CLVS1: variants seen among roughly 807,000 people sequenced by gnomAD.
The protein encoded by CLVS1 is clavesin-1.
A neutral mutation model predicts 33.1 loss-of-function variants in CLVS1; 10 were observed. The ratio of observed to expected loss-of-function variants is 0.30; its 90% CI spans 0.19 to 0.51. The LOEUF is 0.51. CLVS1 is among the 20% of genes least tolerant of loss of function. The pLI, the probability that CLVS1 is intolerant of heterozygous loss-of-function variation, is 0.97. For synonymous variants in CLVS1, 163 were observed against 166.1 expected (o/e 0.98, Z 0.14); for missense variants, 343 against 433.4 (o/e 0.79, Z 1.85).
intron 2 of CLVS1, among the ~76,000 whole-genome samples, chr8:61,142,066 T>C (rs1477599609): frequency 6.6e-6 from 1 of 152,240 alleles, no homozygotes; most frequent in Non-Finnish European, 1.5e-5. Context: ...AGACCCTCTT[T>C]GTAACTCTCA....
intron 3 of CLVS1, among the ~76,000 whole-genome samples, chr8:61,443,417 G>C (rs1816640925): frequency 6.6e-6 from 1 of 151,922 alleles, no homozygotes; most frequent in Admixed American, 6.6e-5. Context: ...TTTGTATGAG[G>C]TGTGAAGGTT....
In CLVS1 at chr8:61,500,447, G is replaced by GAA. The variant is rs1436148633; in HGVS notation, c.*907_*908dup. On this transcript the variant is annotated 3_prime_UTR_variant, in exon 6 of 6. Coordinates refer to ENST00000325897, the MANE Select transcript of CLVS1 (RefSeq NM_173519.3). ...CTCCTGCAACCATTAAAGATGTGGAGAAAGACCATGGTTGTTGCTGAGAGG... is the reference window on the plus strand; with the variant it reads ...CTCCTGCAACCATTAAAGATGTGGAGAAAAAGACCATGGTTGTTGCTGAGAGG... The GAA allele has an allele frequency of 6.6e-5, 10 of 152,228 alleles. No individual in the cohort carries two copies. Among genetic ancestry groups the GAA allele is most frequent in the Admixed American group, 5.9e-4 (9 of 15,288 alleles). The allele number at this position is 152,228 out of a possible 1,614,324, so 9.4% of individuals were successfully genotyped here. A position where few individuals can be genotyped will look rare whatever the true frequency, so the allele number is the denominator to read the frequency against.
chr8:61,074,600 G>A (rs897329076), intron 1 of CLVS1, among the ~76,000 whole-genome samples: 1 of 151,610 alleles, frequency 6.6e-6, no homozygotes, highest in Non-Finnish European at 1.5e-5. Context: ...TTTTGTAGAT[G>A]AGTAAGATCT....
chr8:61,041,150 T>C, the CLVS1 span, among the ~76,000 whole-genome samples: 1 of 152,132 alleles, frequency 6.6e-6, no homozygotes. Flanking sequence ...GTAGGTGTAT[T>C]ACTTTATTTC....
At chr8:61,347,988 T>C (rs1812297691) in intron 2 of CLVS1, among the ~76,000 whole-genome samples, 1 of 151,722 alleles carries the variant, frequency 6.6e-6, no homozygotes, top group Admixed American at 6.6e-5. Flanking sequence ...CAAAATCGAC[T>C]CTCAGCGATT....
chr8:60,973,845 C>T, the CLVS1 span, among the ~76,000 whole-genome samples: 1 of 152,218 alleles, frequency 6.6e-6, no homozygotes, highest in Admixed American at 6.5e-5. Flanking sequence ...TTTCCTATCA[C>T]CTGATGGTCA....
intron 2 of CLVS1, among the ~76,000 whole-genome samples, chr8:61,276,424 T>C (rs1809562720): frequency 2.0e-5 from 3 of 152,364 alleles, no homozygotes; most frequent in African/African-American, 7.2e-5. Flanking sequence ...GTTAGAAAGA[T>C]TGCTCAAGAA....
chr8:61,238,738 A>T (rs1350227281), intron 2 of CLVS1, among the ~76,000 whole-genome samples: 1 of 152,234 alleles, frequency 6.6e-6, no homozygotes, highest in Admixed American at 6.5e-5. Context: ...TTTTCGTGCT[A>T]TTAAATATTC....
At chr8:61,080,626 G>T (rs1158590575) in intron 1 of CLVS1, among the ~76,000 whole-genome samples, 1 of 152,136 alleles carries the variant, frequency 6.6e-6, no homozygotes, top group Non-Finnish European at 1.5e-5. Flanking sequence ...ACTTGCTTTT[G>T]GTTAAATTAA....
At chr8:61,089,872 ATTTTGCCACT>A (rs1805200361) in intron 1 of CLVS1, among the ~76,000 whole-genome samples, 1 of 152,112 alleles carries the variant, frequency 6.6e-6, no homozygotes, top group South Asian at 2.1e-4. Context: ...AGGTGAGCTG[ATTTTGCCACT>A]GCACTCAAGC....
intron 1 of CLVS1, among the ~76,000 whole-genome samples, chr8:61,082,499 A>C (rs201904362): frequency 7.8e-4 from 118 of 151,492 alleles, no homozygotes; most frequent in South Asian, 7.5e-3. Context: ...AAACAAACAA[A>C]AACAACAACA....
At chr8:61,009,400 G>A in the CLVS1 span, among the ~76,000 whole-genome samples, 4 of 152,196 alleles carry the variant, frequency 2.6e-5, no homozygotes, top group East Asian at 1.9e-4. Flanking sequence ...TACTCGCCTC[G>A]GCCTCGCCAA....
chr8:60,983,792 T>C, the CLVS1 span, among the ~76,000 whole-genome samples: 2 of 152,294 alleles, frequency 1.3e-5, no homozygotes, highest in African/African-American at 4.8e-5. Flanking sequence ...ACAATGACCA[T>C]GAGCTGCAGC....
At chr8:61,097,477 C>T (rs533424236) in intron 1 of CLVS1, among the ~76,000 whole-genome samples, 91 of 152,294 alleles carry the variant, frequency 6.0e-4, no homozygotes, top group African/African-American at 2.1e-3. Flanking sequence ...GTTGCTGTTT[C>T]ACTCGTGAGA....
At chr8:61,367,209 C>T (rs1374448685) in intron 2 of CLVS1, among the ~76,000 whole-genome samples, 1 of 152,182 alleles carries the variant, frequency 6.6e-6, no homozygotes. Context: ...CCAAATCTCC[C>T]TGAGGCACAG....
chr8:60,974,617 G>A, the CLVS1 span, among the ~76,000 whole-genome samples: 1 of 152,128 alleles, frequency 6.6e-6, no homozygotes, highest in Non-Finnish European at 1.5e-5. Context: ...CACTAAACAT[G>A]TCAGCTTAAG....
At chr8:61,425,714 T>C (rs1815864218) in intron 3 of CLVS1, among the ~76,000 whole-genome samples, 1 of 152,228 alleles carries the variant, frequency 6.6e-6, no homozygotes, top group Non-Finnish European at 1.5e-5. Flanking sequence ...TGGACTTTTC[T>C]GGTGTGGTCA....
intron 3 of CLVS1, among the ~76,000 whole-genome samples, chr8:61,437,399 T>C (rs1035966571): frequency 6.6e-6 from 1 of 152,226 alleles, no homozygotes; most frequent in Admixed American, 6.5e-5. Flanking sequence ...TTTGTCTAAC[T>C]CTGTCTTAAA....
intron 3 of CLVS1, among the ~76,000 whole-genome samples, chr8:61,379,418 A>C (rs1398733064): frequency 6.6e-6 from 1 of 150,570 alleles, no homozygotes; most frequent in Non-Finnish European, 1.5e-5. Context: ...GGGTAATACA[A>C]TACCTCCTGC....
Sources: allele counts gnomAD v4.1 joint callset (sites outside exome capture counted in the v4.1 genomes callset), GRCh38; gene constraint gnomAD v4.1.1; transcripts MANE v1.5; gene names NCBI Gene and HGNC (gene_info 2026-07-23, HGNC 2026-07-21).